The following TNRC18 variants were observed in gnomAD, a reference collection of about 807,000 sequenced individuals.
TNRC18 encodes trinucleotide repeat containing 18, also known as trinucleotide repeat-containing gene 18 protein.
A neutral mutation model predicts 226.7 loss-of-function variants in TNRC18; 69 were observed. That is an observed-to-expected ratio of 0.30 (90% CI 0.25 to 0.37). The LOEUF is 0.37. Among genes scored for constraint, TNRC18 ranks in the 10% least tolerant of loss-of-function variants. The pLI is 1.00. For synonymous variants in TNRC18, 2,449 were observed against 1,927.6 expected, an observed-to-expected ratio of 1.27 and a Z score of -7.09; for missense variants, 4,754 against 4,256.6, an observed-to-expected ratio of 1.12 and a Z score of -3.25.
rs1395831028 is a variant in TNRC18, at chr7:5,388,017, G to T, written c.1807C>A (p.Arg603Ser). Reference protein sequence around the residue: ...GSFARDAVAVRPGGCGKKSPF... With the variant: ...GSFARDAVAVSPGGCGKKSPF... ...CTCTTCTTGCCACAGCCACCAGGGCGCACGGCCACGGCGTCCCGGGCAAAG... is the reference window on the plus strand; with the variant it reads ...CTCTTCTTGCCACAGCCACCAGGGCTCACGGCCACGGCGTCCCGGGCAAAG... Residue 603 changes from arginine to serine, a missense_variant, in exon 5 of 30, where the codon CGC becomes AGC. Transcript: ENST00000430969. 5 of 1,575,630 alleles carry T rather than the reference G, an allele frequency of 3.2e-6. No individual in the cohort carries two copies. In the Admixed American group the frequency reaches 9.2e-5, roughly 29 times the overall value.
chr7:5,359,728 T>G (rs1419284478), intron 14 of TNRC18, among the ~76,000 whole-genome samples, 159 bp from the exon 15 acceptor site: 1 of 151,976 alleles, frequency 6.6e-6, no homozygotes, highest in African/African-American at 2.4e-5. Context: ...AAAACAACAG[T>G]GCTGGAATTC....
intron 19 of TNRC18, 115 bp downstream of exon 19, chr7:5,332,507 G>T: frequency 8.3e-7 from 1 of 1,208,310 alleles, no homozygotes; most frequent in Non-Finnish European, 1.1e-6. Flanking sequence ...GCCTGGAGCC[G>T]AGTACATGGT....
intron 24 of TNRC18, among the ~76,000 whole-genome samples, chr7:5,317,658 TAAAAC>T (rs957186873): frequency 6.8e-5 from 10 of 148,026 alleles, no homozygotes; most frequent in South Asian, 2.1e-4. Context: ...AATGTGTTGA[TAAAAC>T]AAAAAAAAAT....
intron 5 of TNRC18, among the ~76,000 whole-genome samples, chr7:5,382,395 C>T (rs1011245454): frequency 6.6e-6 from 1 of 152,190 alleles, no homozygotes; most frequent in Non-Finnish European, 1.5e-5. Flanking sequence ...GAGTCTGCAG[C>T]GCTAACGACT....
chr7:5,394,850 C>CA lies in TNRC18; in HGVS notation c.188-256dup, dbSNP rs1363421270. On this transcript the variant is annotated intron_variant, in intron 2 of 29. Transcript: ENST00000430969. The surrounding 1 kb of genome is among the most constrained non-coding windows in gnomAD (Gnocchi z 4.5). ...CAGGAAGCCCCCCACAGCAGACCCT[C>CA]AGCCCTGGGCACCCCGCACCCTCGG... 6.6e-6 allele frequency among the ~76,000 whole-genome samples: 1 copy of CA among 152,096 alleles called. No homozygotes were observed. The highest frequency in any genetic ancestry group is 1.5e-5 in the Non-Finnish European group (1 of 67,998).
chr7:5,401,071 C>T (rs1269277917), intron 2 of TNRC18, among the ~76,000 whole-genome samples: 8 of 151,864 alleles, frequency 5.3e-5, no homozygotes, highest in African/African-American at 1.5e-4. Context: ...AGGCCAGGTG[C>T]GGTGGCTCAC....
Position 5,320,151 on chromosome 7 carries a change from GT to G in TNRC18, c.6745+166del, listed in dbSNP as rs1416912327. 16 of 611,256 alleles carry G rather than the reference GT, an allele frequency of 2.6e-5. No homozygotes were observed. The African/African-American group carries it at 2.8e-4, about 11-fold the overall frequency. The allele number at this position is 611,256 out of a possible 1,614,324, so 37.9% of individuals were successfully genotyped here. ...TCAGAGCTGGAGTCCTGATGACATCGTTTAAATGGTGCCTGGATCCAATCAT... is the reference window on the plus strand; with the variant it reads ...TCAGAGCTGGAGTCCTGATGACATCGTTAAATGGTGCCTGGATCCAATCAT... On this transcript the variant is annotated intron_variant, in intron 24 of 29. Coordinates refer to ENST00000430969, the MANE Select transcript of TNRC18 (RefSeq NM_001080495.3).
chr7:5,320,516 GCCCCTCC>G lies in TNRC18; in HGVS notation c.6636+9_6636+15del. 1 of 1,027,698 alleles carries G rather than the reference GCCCCTCC, an allele frequency of 9.7e-7. No individual in the cohort carries two copies. The highest frequency in any genetic ancestry group is 1.3e-5 in the South Asian group (1 of 76,750). 63.7% of individuals were successfully genotyped at this position (1,027,698 alleles called of 1,614,324 possible). On this transcript the variant is annotated intron_variant, in intron 23 of 29. Transcript: ENST00000430969. ...CCCACCCCGAGCCTCCCGAGGCCCC[GCCCCTCC>G]CCCCTCACCGCCTCCTGCAGCAACT...
intron 17 of TNRC18, among the ~76,000 whole-genome samples, chr7:5,347,513 A>T (rs568045004): frequency 2.4e-4 from 36 of 152,070 alleles, no homozygotes; most frequent in Admixed American, 2.1e-3. Flanking sequence ...AAAAATTTTA[A>T]AATTAGCCAG....
chr7:5,333,143 C>T (rs1789730494), intron 18 of TNRC18, 94 bp from the exon 19 acceptor site: 1 of 1,392,190 alleles, frequency 7.2e-7, no homozygotes, highest in East Asian at 2.5e-5. Context: ...CCGGCGGGAC[C>T]TCCCCGCCAA....
chr7:5,403,146 A>G (rs1781224968), intron 2 of TNRC18, among the ~76,000 whole-genome samples: 2 of 147,664 alleles, frequency 1.4e-5, no homozygotes, highest in African/African-American at 5.0e-5. Context: ...ATAACCAAAC[A>G]CATTACATTT....
chr7:5,348,760 G>A (rs1359879978), intron 17 of TNRC18, among the ~76,000 whole-genome samples: 4 of 152,106 alleles, frequency 2.6e-5, no homozygotes, highest in African/African-American at 9.7e-5. Context: ...GGCTGGAGAG[G>A]CCAGCCAGGC....
intron 18 of TNRC18, among the ~76,000 whole-genome samples, chr7:5,343,618 G>A (rs1790886064): frequency 6.6e-6 from 1 of 152,060 alleles, no homozygotes; most frequent in Non-Finnish European, 1.5e-5. Context: ...GTAGAGATGG[G>A]GTCTCGCTCT....
intron 27 of TNRC18, among the ~76,000 whole-genome samples, chr7:5,311,502 C>T (rs541563106): frequency 3.9e-5 from 6 of 152,168 alleles, no homozygotes; most frequent in Non-Finnish European, 7.3e-5. Context: ...GAGCCCGGGG[C>T]GTGGCTGGGA....
chr7:5,313,081 C>G lies in TNRC18; in HGVS notation c.7810G>C (p.Ala2604Pro). Residue 2604 changes from alanine (A) to proline (P), a missense_variant, in exon 27 of 30, where the codon GCT becomes CCT. By Grantham distance (27) the Ala-to-Pro change is conservative (BLOSUM62 -1). Transcript: ENST00000430969. ...GGTGAGGCCGCCCTGGAGCTGGCAG[C>G]GCTGCAGTTACGGCCCCCGGTGCCG... ...GCGTGGRNCS[A>P]ASSRAASPAS... 8.1e-7 allele frequency: 1 copy of G among 1,239,760 alleles called. No individual in the cohort carries two copies. The highest frequency in any genetic ancestry group is 1.1e-6 in the Non-Finnish European group (1 of 874,836). The allele number at this position is 1,239,760 out of a possible 1,614,324, so 76.8% of individuals were successfully genotyped here. A position where few individuals can be genotyped will look rare whatever the true frequency, so the allele number is the denominator to read the frequency against.
chr7:5,310,866 A>G (rs1283607387), intron 27 of TNRC18, among the ~76,000 whole-genome samples: 1 of 152,228 alleles, frequency 6.6e-6, no homozygotes, highest in East Asian at 1.9e-4. Flanking sequence ...CCTGCCATGT[A>G]TATGTGCCTG....
chr7:5,389,331 A>G lies in TNRC18; in HGVS notation c.493T>C (p.Phe165Leu). Reference protein sequence around the residue: ...QKGQGPGGDGFYLPTAGAPGS... With the variant: ...QKGQGPGGDGLYLPTAGAPGS... ...GGAGCCCCCGCGGTGGGCAGGTAGA[A>G]ACCGTCTGCGGAGAAGGGAACAGCA... Residue 165 changes from phenylalanine to leucine, a missense_variant, in exon 5 of 30, where the codon TTC becomes CTC. Coordinates refer to ENST00000430969, the MANE Select transcript of TNRC18 (RefSeq NM_001080495.3). 1 of 1,279,590 alleles carries G rather than the reference A, an allele frequency of 7.8e-7. No individual in the cohort carries two copies. The highest frequency in any genetic ancestry group is 9.9e-7 in the Non-Finnish European group (1 of 1,013,566). The allele number at this position is 1,279,590 out of a possible 1,614,324, so 79.3% of individuals were successfully genotyped here.
At chr7:5,373,436 G>C (rs1794344540) in intron 10 of TNRC18, among the ~76,000 whole-genome samples, 1 of 152,216 alleles carries the variant, frequency 6.6e-6, no homozygotes, top group South Asian at 2.1e-4. Context: ...AGCAGCTGGA[G>C]GCACACAAAA....
At position 5,345,627 on chromosome 7, in the gene TNRC18, A is replaced by G; in HGVS notation, c.5654T>C (p.Leu1885Pro). Residue 1885 changes from leucine to proline, a missense_variant, in exon 18 of 30, where the codon CTG becomes CCG. Coordinates refer to ENST00000430969, the MANE Select transcript of TNRC18 (RefSeq NM_001080495.3). ...ALPSPTVGPS[L>P]SVVQLEAKQK... is the part of the protein sequence containing the mutation. The stretch of plus-strand genomic sequence containing the variant: ...CTTGGCCTCCAGCTGTACCACAGAC[A>G]GGGATGGACCCACCGTGGGGCTGGG... 12 of 1,559,138 alleles carry G rather than the reference A, an allele frequency of 7.7e-6. No individual in the cohort carries two copies. The highest frequency in any genetic ancestry group is 8.7e-6 in the Non-Finnish European group (10 of 1,151,940).
Sources: allele counts gnomAD v4.1 joint callset (sites outside exome capture counted in the v4.1 genomes callset), GRCh38; gene constraint gnomAD v4.1.1; non-coding constraint Gnocchi (gnomAD v3.1); transcripts MANE v1.5; gene names NCBI Gene and HGNC (gene_info 2026-07-23, HGNC 2026-07-21).